The following CCDC178 variants were observed in gnomAD, a reference collection of about 807,000 sequenced individuals.
The protein encoded by CCDC178 is coiled-coil domain containing 178, also known as coiled-coil domain-containing protein 178.
Under a neutral mutation model 117.4 loss-of-function variants are expected in CCDC178, and 126 were observed. The ratio of observed to expected loss-of-function variants is 1.07; its 90% confidence interval spans 0.93 to 1.24. The LOEUF is 1.24. CCDC178 is among the 50% of genes most tolerant of loss of function. The pLI, the probability that CCDC178 is intolerant of heterozygous loss-of-function variation, is 0.00. For missense variants in CCDC178, 1,030 were observed against 986.9 expected (o/e 1.04, Z -0.59); for synonymous variants, 283 against 313.4 (o/e 0.90, Z 1.02).
intron 10 of CCDC178, among the ~76,000 whole-genome samples, chr18:33,332,426 G>T: frequency 6.6e-6 from 1 of 151,922 alleles, no homozygotes; most frequent in Middle Eastern, 3.4e-3. Flanking sequence ...CAATAGGAGA[G>T]TTAAATATCT....
intron 20 of CCDC178, among the ~76,000 whole-genome samples, chr18:33,114,189 A>G (rs1342705459): frequency 6.6e-6 from 1 of 152,042 alleles, no homozygotes; most frequent in Non-Finnish European, 1.5e-5. Context: ...AAACAGATGT[A>G]AACCTGCATG....
chr18:33,197,362 C>T (rs552432804), intron 20 of CCDC178, among the ~76,000 whole-genome samples: 2 of 152,212 alleles, frequency 1.3e-5, no homozygotes, highest in South Asian at 2.1e-4. Context: ...CAATGACAAA[C>T]GCAAGGGCAT....
intron 6 of CCDC178, among the ~76,000 whole-genome samples, chr18:33,367,347 T>C (rs2063223901): frequency 6.6e-6 from 1 of 152,118 alleles, no homozygotes. Context: ...TGAGGATTTA[T>C]GCTTAGGTTA....
chr18:33,053,591 A>G (rs965664354), intron 21 of CCDC178, among the ~76,000 whole-genome samples: 1 of 152,228 alleles, frequency 6.6e-6, no homozygotes, highest in East Asian at 1.9e-4. Context: ...TGTAAATTCA[A>G]ACAACATTTA....
chr18:33,037,996 G>A (rs2056476294), intron 21 of CCDC178, among the ~76,000 whole-genome samples: 2 of 151,916 alleles, frequency 1.3e-5, no homozygotes, highest in Middle Eastern at 3.4e-3. Flanking sequence ...GTTACTTGGG[G>A]AGCCACTGTG....
chr18:33,212,504 C>G (rs1371902964), intron 19 of CCDC178, among the ~76,000 whole-genome samples: 2 of 151,850 alleles, frequency 1.3e-5, no homozygotes, highest in Admixed American at 1.3e-4. Context: ...TGCCAACAGC[C>G]ATAGTGGAGA....
intron 20 of CCDC178, among the ~76,000 whole-genome samples, chr18:33,145,861 T>C (rs568506153): frequency 6.6e-6 from 1 of 152,282 alleles, no homozygotes; most frequent in Non-Finnish European, 1.5e-5. Flanking sequence ...GAGAAACCAG[T>C]GGACTTCTGT....
intron 11 of CCDC178, among the ~76,000 whole-genome samples, chr18:33,297,181 A>G (rs2062116428): frequency 6.6e-6 from 1 of 152,146 alleles, no homozygotes; most frequent in Admixed American, 6.5e-5. Context: ...TATGGGACAC[A>G]TAAAAAGAAG....
rs140230431 is a variant in CCDC178, at chr18:33,416,356, G to A, written c.-22-4246C>T. 3.2e-4 allele frequency among the ~76,000 whole-genome samples: 49 copies of A among 152,104 alleles called. No individual in the cohort carries two copies. The East Asian group carries it at 8.0e-3, about 25-fold the overall frequency. On this transcript the variant is annotated intron_variant, in intron 2 of 22. Transcript: ENST00000383096. ...GCAGGAGAATGGCGTGAACCCAGAC[G>A]GCGGAGCTTGCGGTGAGCAGAGATC...
chr18:33,348,818 C>G lies in CCDC178; in HGVS notation c.457+72G>C, dbSNP rs971065927. ...TCTTAAACATGATTATTGTGACAAT[C>G]AGAAATATATTAAATGAAGTCAATG... On this transcript the variant is annotated intron_variant, in intron 8 of 22. Transcript: ENST00000383096. 23 of 933,456 alleles carry G rather than the reference C, an allele frequency of 2.5e-5. No individual in the cohort carries two copies. The African/African-American group carries it at 3.7e-4, about 15-fold the overall frequency. 57.8% of individuals were successfully genotyped at this position (933,456 alleles called of 1,614,324 possible). A position where few individuals can be genotyped will look rare whatever the true frequency, so the allele number is the denominator to read the frequency against.
At chr18:33,031,816 C>A (rs2056349182) in intron 21 of CCDC178, among the ~76,000 whole-genome samples, 1 of 151,846 alleles carries the variant, frequency 6.6e-6, no homozygotes, top group African/African-American at 2.4e-5. Context: ...TAGCCCCAAT[C>A]TGAATAAAAA....
At chr18:33,063,229 T>C (rs272939) in intron 21 of CCDC178, among the ~76,000 whole-genome samples, 21,607 of 152,040 alleles carry the variant, frequency 0.14, 2,376 homozygotes, top group African/African-American at 0.31. Flanking sequence ...TGCCAACACA[T>C]ACCTGCACTT....
At chr18:33,375,905 G>T (rs2063358396) in intron 5 of CCDC178, among the ~76,000 whole-genome samples, 1 of 152,140 alleles carries the variant, frequency 6.6e-6, no homozygotes, top group South Asian at 2.1e-4. Flanking sequence ...AAGGCAGAAG[G>T]ACAGACCAAG....
At chr18:33,065,923 G>A (rs1043924816) in intron 21 of CCDC178, among the ~76,000 whole-genome samples, 2 of 148,198 alleles carry the variant, frequency 1.3e-5, no homozygotes, top group African/African-American at 5.0e-5. Context: ...GTGCAGTGGC[G>A]TGATCTTGGC....
At chr18:32,971,180 C>A (rs993061134) in intron 22 of CCDC178, among the ~76,000 whole-genome samples, 2 of 151,914 alleles carry the variant, frequency 1.3e-5, no homozygotes, top group African/African-American at 2.4e-5. Flanking sequence ...CCTTACCCCC[C>A]ACCCCACTAC....
chr18:33,065,027 GAAA>G (rs34459126), intron 21 of CCDC178, among the ~76,000 whole-genome samples: 13 of 125,234 alleles, frequency 1.0e-4, no homozygotes, highest in African/African-American at 3.4e-4. Flanking sequence ...TGTGGAATTG[GAAA>G]AAAAAAAAAA....
At chr18:33,112,545 C>T (rs1277677766) in intron 20 of CCDC178, among the ~76,000 whole-genome samples, 1 of 151,756 alleles carries the variant, frequency 6.6e-6, no homozygotes, top group Non-Finnish European at 1.5e-5. Flanking sequence ...TATTAGACAG[C>T]CTGCTGATAG....
At chr18:33,374,216 C>T (rs1469440915) in intron 5 of CCDC178, among the ~76,000 whole-genome samples, 1 of 152,102 alleles carries the variant, frequency 6.6e-6, no homozygotes, top group African/African-American at 2.4e-5. Context: ...CCTCAGAAAC[C>T]CACGTGGGAG....
chr18:33,351,472 C>T (rs1258995647), intron 7 of CCDC178, among the ~76,000 whole-genome samples: 11 of 151,852 alleles, frequency 7.2e-5, no homozygotes, highest in Admixed American at 5.9e-4. Flanking sequence ...GGATTACAGG[C>T]GTGAGCCACT....
Sources: allele counts gnomAD v4.1 joint callset (sites outside exome capture counted in the v4.1 genomes callset), GRCh38; gene constraint gnomAD v4.1.1; transcripts MANE v1.5; gene names NCBI Gene and HGNC (gene_info 2026-07-23, HGNC 2026-07-21).